Variants in UGT2A1 observed in about 807,000 individuals in gnomAD.
UGT2A1 encodes the protein UDP-glucuronosyltransferase 2A1.
Under a neutral mutation model 45.4 loss-of-function variants are expected in UGT2A1, and 61 were observed. The ratio of observed to expected loss-of-function variants is 1.34; its 90% CI spans 1.09 to 1.66. The LOEUF (loss-of-function observed/expected upper bound fraction) is 1.66. Ranked by LOEUF, UGT2A1 falls within the 40% of genes most tolerant of loss-of-function variation. The probability of loss-of-function intolerance (pLI) is 0.00; values close to 1 mark genes in which losing one functional copy is unlikely to be tolerated. For synonymous variants in UGT2A1, 229 were observed against 196.2 expected (o/e 1.17, Z -1.40); for missense variants, 649 against 574.3 (o/e 1.13, Z -1.33).
At chr4:69,653,066 A>G (rs1391245362) in intron 1 of UGT2A1, 122 bp downstream of exon 1, 2 of 152,248 alleles carry the variant, frequency 1.3e-5, no homozygotes, top group Non-Finnish European at 2.9e-5. Context: ...ATGGGTAAGC[A>G]ATGAAACAAA....
intron 3 of UGT2A1, among the ~76,000 whole-genome samples, chr4:69,627,598 AAAAGAAAG>A (rs143064060): frequency 4.7e-5 from 7 of 149,112 alleles, no homozygotes; most frequent in African/African-American, 1.7e-4. Flanking sequence ...AAGAAGAAAG[AAAAGAAAG>A]AAAGAAAGAG....
At position 69,647,339 on chromosome 4, in the gene UGT2A1, T is replaced by G; in HGVS notation, c.306A>C (p.Ser102=). Reference sequence around the variant, plus strand: ...TCTCCTGATAGAATCTCCAAATGGTTGAAGGAGATGGTCTATTTTCCAGCC... The same window carrying G: ...TCTCCTGATAGAATCTCCAAATGGTGGAAGGAGATGGTCTATTTTCCAGCC... The part of the protein sequence containing the change: ...LTWLENRPSP[S]TIWRFYQEMA... Residue 102 remains serine, a synonymous_variant, in exon 2 of 7, where the codon TCA becomes TCC. Transcript: ENST00000286604. The G allele has an allele frequency of 6.2e-7, 1 of 1,613,358 alleles. No homozygotes were observed. Among genetic ancestry groups the G allele is most frequent in the East Asian group, 2.2e-5 (1 of 44,864 alleles).
At chr4:69,598,305 G>A (rs563019170) in intron 4 of UGT2A1, among the ~76,000 whole-genome samples, 1 of 152,208 alleles carries the variant, frequency 6.6e-6, no homozygotes, top group Non-Finnish European at 1.5e-5. Context: ...ATTTGCTTGT[G>A]TATAAACCAA....
At chr4:69,624,630 T>C (rs1720931859) in intron 3 of UGT2A1, among the ~76,000 whole-genome samples, 1 of 151,400 alleles carries the variant, frequency 6.6e-6, no homozygotes, top group Non-Finnish European at 1.5e-5. Context: ...TTTTTTGCTC[T>C]ACCTTTGTTG....
chr4:69,628,704 T>C (rs1385448950), intron 3 of UGT2A1, among the ~76,000 whole-genome samples: 1 of 149,026 alleles, frequency 6.7e-6, no homozygotes, highest in Non-Finnish European at 1.5e-5. Flanking sequence ...AAGCATTTTC[T>C]TTAAAAGCAA....
intron 4 of UGT2A1, 88 bp downstream of exon 4, chr4:69,599,157 AT>A: frequency 6.9e-7 from 1 of 1,456,948 alleles, no homozygotes; most frequent in Non-Finnish European, 9.0e-7. Flanking sequence ...GTCCAGCAGC[AT>A]TTATTTGTTA....
intron 3 of UGT2A1, among the ~76,000 whole-genome samples, chr4:69,606,477 A>C (rs201140879): frequency 1.5e-5 from 2 of 136,434 alleles, no homozygotes; most frequent in African/African-American, 5.9e-5. Context: ...TACTGAATGG[A>C]CAAAAACTGG....
At chr4:69,617,256 G>T (rs912670960) in intron 3 of UGT2A1, among the ~76,000 whole-genome samples, 5 of 151,832 alleles carry the variant, frequency 3.3e-5, no homozygotes, top group African/African-American at 1.2e-4. Flanking sequence ...TTTTCTTCAA[G>T]CAGTTTATCA....
At chr4:69,620,656 A>C (rs1259027972) in intron 3 of UGT2A1, among the ~76,000 whole-genome samples, 2 of 69,892 alleles carry the variant, frequency 2.9e-5, no homozygotes, top group Non-Finnish European at 6.2e-5. Flanking sequence ...ATATGGAACC[A>C]AAAAAAAAAA....
intron 3 of UGT2A1, among the ~76,000 whole-genome samples, chr4:69,633,045 C>G (rs1415243238): frequency 2.6e-5 from 4 of 151,816 alleles, no homozygotes; most frequent in Non-Finnish European, 5.9e-5. Context: ...GTAAAAAGTC[C>G]ACCAAAGAAA....
intron 3 of UGT2A1, among the ~76,000 whole-genome samples, chr4:69,616,789 CA>C (rs1720416256): frequency 6.7e-6 from 1 of 149,712 alleles, no homozygotes; most frequent in African/African-American, 2.4e-5. Context: ...TAATAAAAAT[CA>C]AAAGCTAATG....
At chr4:69,643,150 C>T (rs1722115043) in intron 2 of UGT2A1, among the ~76,000 whole-genome samples, 1 of 151,452 alleles carries the variant, frequency 6.6e-6, no homozygotes. Flanking sequence ...TGATGACCTA[C>T]TCCTTAATGG....
intron 3 of UGT2A1, among the ~76,000 whole-genome samples, chr4:69,617,365 C>A (rs942611135): frequency 6.6e-6 from 1 of 151,398 alleles, no homozygotes; most frequent in African/African-American, 2.4e-5. Context: ...TTGTTGACGG[C>A]GTAAAAATAA....
At chr4:69,591,032 G>T (rs1307075529) in intron 6 of UGT2A1, among the ~76,000 whole-genome samples, 1 of 152,042 alleles carries the variant, frequency 6.6e-6, no homozygotes, top group Non-Finnish European at 1.5e-5. Flanking sequence ...TTGGTTTAGG[G>T]TTAAAGTGAA....
chr4:69,599,353 T>C lies in UGT2A1; in HGVS notation c.889A>G (p.Ile297Val). 2.5e-6 allele frequency: 4 copies of C among 1,613,756 alleles called. No homozygotes were observed. Among genetic ancestry groups the C allele is most frequent in the Non-Finnish European group, 2.5e-6 (3 of 1,179,890 alleles). ...TLCETMGKAE[I>V]WLIRTYWDFE... The stretch of plus-strand genomic sequence containing the variant: ...TCCCAATATGTTCGGATTAACCAAA[T>C]TTCAGCTTTCCCCATAGTCTCACAT... The change falls in exon 4 of 7, where the codon ATT becomes GTT. Residue 297 changes from isoleucine (I) to valine (V), a missense_variant. Transcript: ENST00000286604.
chr4:69,639,861 G>T (rs550887382), intron 2 of UGT2A1, among the ~76,000 whole-genome samples: 2 of 151,758 alleles, frequency 1.3e-5, no homozygotes, highest in African/African-American at 4.8e-5. Context: ...GGAAGCACGG[G>T]GTTATAAACC....
Position 69,607,232 on chromosome 4 carries a change from T to C in UGT2A1, c.848-7838A>G, listed in dbSNP as rs1215811000. On this transcript the variant is annotated intron_variant, in intron 3 of 6. Coordinates refer to ENST00000286604, the MANE Select transcript of UGT2A1 (RefSeq NM_001252275.3). ...GTACCAAAACAGAGATAAAGACCAATGGAACAGAACAGAGCCCTCAGAAAT... is the reference window on the plus strand; with the variant it reads ...GTACCAAAACAGAGATAAAGACCAACGGAACAGAACAGAGCCCTCAGAAAT... 1.4e-3 allele frequency among the ~76,000 whole-genome samples: 201 copies of C among 139,730 alleles called. 3 individuals are homozygous for C. The highest frequency in any genetic ancestry group is 4.6e-3 in the African/African-American group (173 of 37,528). The allele number at this position is 139,730 out of a possible 152,430, so 91.7% of individuals were successfully genotyped here.
intron 2 of UGT2A1, among the ~76,000 whole-genome samples, chr4:69,640,225 C>T (rs1304310624): frequency 6.6e-6 from 1 of 151,906 alleles, no homozygotes; most frequent in Non-Finnish European, 1.5e-5. Flanking sequence ...CAAATATTGT[C>T]CTTTTATAAG....
chr4:69,604,703 T>A (rs1433326366), intron 3 of UGT2A1, among the ~76,000 whole-genome samples: 1 of 135,504 alleles, frequency 7.4e-6, no homozygotes, highest in Admixed American at 7.3e-5. Flanking sequence ...ACACATAGGC[T>A]CAAAATAAAG....
Sources: gnomAD v4.1 joint callset for allele counts (sites outside exome capture counted in the v4.1 genomes callset) on GRCh38, gnomAD v4.1.1 for gene constraint, MANE v1.5 for transcripts, NCBI Gene and HGNC (gene_info 2026-07-23, HGNC 2026-07-21) for gene names.